Variants in TACC2 observed in about 807,000 individuals in gnomAD.
TACC2 encodes the protein transforming acidic coiled-coil containing protein 2, also known as transforming acidic coiled-coil-containing protein 2.
In TACC2, 137 loss-of-function variants were observed where a neutral mutation model predicts 227.3. That is an observed-to-expected ratio of 0.60 (90% CI 0.52 to 0.69). The LOEUF is 0.69. TACC2 is among the 30% of genes least tolerant of loss of function. The pLI is 0.00. For missense variants in TACC2, 3,470 were observed against 3,694.4 expected (o/e 0.94, Z 1.57); for synonymous variants, 1,523 against 1,487.5 (o/e 1.02, Z -0.55).
intron 7 of TACC2, among the ~76,000 whole-genome samples, chr10:122,187,764 T>C (rs2094258653): frequency 6.6e-6 from 1 of 152,106 alleles, no homozygotes; most frequent in Non-Finnish European, 1.5e-5. Flanking sequence ...AGTGCTGGGA[T>C]TATAGGTGTG....
intron 3 of TACC2, among the ~76,000 whole-genome samples, chr10:122,077,561 G>A (rs1043499563): frequency 3.9e-5 from 6 of 152,186 alleles, no homozygotes; most frequent in African/African-American, 1.2e-4. Flanking sequence ...AGGCAGGAGA[G>A]GGAGGTTGGG....
At chr10:122,223,055 T>C (rs1356800124) in intron 11 of TACC2, among the ~76,000 whole-genome samples, 20 of 66,910 alleles carry the variant, frequency 3.0e-4, no homozygotes, top group South Asian at 6.9e-4. Flanking sequence ...CTCTCTCTCT[T>C]TTTTTTTTTT....
At chr10:122,013,117 A>T (rs1956153098) in intron 1 of TACC2, among the ~76,000 whole-genome samples, 1 of 152,148 alleles carries the variant, frequency 6.6e-6, no homozygotes, top group Non-Finnish European at 1.5e-5. Flanking sequence ...TGGATATGTC[A>T]GTCCTGTGTC....
intron 11 of TACC2, among the ~76,000 whole-genome samples, chr10:122,218,282 TGAA>T (rs2095451580): frequency 6.6e-6 from 1 of 152,224 alleles, no homozygotes; most frequent in Non-Finnish European, 1.5e-5. Context: ...GAAATCACTG[TGAA>T]GAAGATCACA....
intron 7 of TACC2, among the ~76,000 whole-genome samples, chr10:122,193,250 G>T (rs79992692): frequency 4.6e-5 from 7 of 152,174 alleles, no homozygotes; most frequent in African/African-American, 9.6e-5. Flanking sequence ...AGGTCCTTGG[G>T]GGGTGGAGGG....
intron 7 of TACC2, among the ~76,000 whole-genome samples, chr10:122,147,151 C>CT (rs1304100049): frequency 2.4e-4 from 36 of 147,548 alleles, no homozygotes; most frequent in Non-Finnish European, 2.9e-4. Flanking sequence ...TGTAAAGTTA[C>CT]TTTTTTTTTT....
intron 7 of TACC2, among the ~76,000 whole-genome samples, chr10:122,147,980 C>T (rs1173985260): frequency 2.0e-5 from 3 of 152,148 alleles, no homozygotes; most frequent in African/African-American, 4.8e-5. Flanking sequence ...TCCAATCAAC[C>T]GTGTTTTTTC....
chr10:122,019,547 G>A (rs192846696), intron 1 of TACC2, among the ~76,000 whole-genome samples: 3 of 152,232 alleles, frequency 2.0e-5, no homozygotes, highest in African/African-American at 7.2e-5. Context: ...GGCAGGGGCC[G>A]CTTTAGTTTG....
Position 122,212,873 on chromosome 10 carries a change from G to A in TACC2, c.7283+1165G>A, listed in dbSNP as rs145913904. Among the ~76,000 whole-genome samples the A allele has an allele frequency of 2.1e-3, 323 of 152,306 alleles. 3 individuals carry two copies. The highest frequency in any genetic ancestry group is 7.6e-3 in the African/African-American group (315 of 41,548). On this transcript the variant is annotated intron_variant, in intron 9 of 22. Transcript: ENST00000369005. ...CTACTAGAGACTCTCTAGAATTCACGTTGGAAACTTGATTTCAAGCCTGGA... is the reference window on the plus strand; with the variant it reads ...CTACTAGAGACTCTCTAGAATTCACATTGGAAACTTGATTTCAAGCCTGGA...
chr10:122,085,769 A>G lies in TACC2; in HGVS notation c.3269A>G (p.Gln1090Arg). The G allele has an allele frequency of 1.2e-6, 2 of 1,613,858 alleles. No homozygotes were observed. Among genetic ancestry groups the G allele is most frequent in the Non-Finnish European group, 1.7e-6 (2 of 1,179,968 alleles). The change falls in exon 4 of 23, where the codon CAG (glutamine) becomes CGG (arginine). Residue 1090 changes from glutamine (Q) to arginine (R), a missense_variant. This residue lies in a region of TACC2 where 1,924 missense variants were observed against 1,978.3 expected (regional missense o/e 0.97). Coordinates refer to ENST00000369005, the MANE Select transcript of TACC2 (RefSeq NM_206862.4). ...TGTGATGAAACCCAGGAAGGCAGGCAGCAACCAGTGCCGGCCCCGCAGCAG... is the reference window on the plus strand; with the variant it reads ...TGTGATGAAACCCAGGAAGGCAGGCGGCAACCAGTGCCGGCCCCGCAGCAG... ...EACDETQEGR[Q>R]QPVPAPQQKM... is the part of the protein sequence containing the mutation.
In TACC2 at chr10:122,254,325, G is replaced by A; in HGVS notation, c.*269G>A. On this transcript the variant is annotated 3_prime_UTR_variant, in exon 23 of 23. Coordinates refer to ENST00000369005, the MANE Select transcript of TACC2 (RefSeq NM_206862.4). ...GAGATTGTCTGATTCTCTAATAAAA[G>A]ACACATTGCTGACCTTGGCCTTGCC... 1 of 481,328 alleles carries A rather than the reference G, an allele frequency of 2.1e-6. No individual in the cohort carries two copies. The allele number at this position is 481,328 out of a possible 1,614,324, so 29.8% of individuals were successfully genotyped here. A position where few individuals can be genotyped will look rare whatever the true frequency, so the allele number is the denominator to read the frequency against.
intron 15 of TACC2, 146 bp downstream of exon 15, chr10:122,229,632 A>C (rs2095695945): frequency 1.1e-6 from 1 of 906,638 alleles, no homozygotes; most frequent in Admixed American, 2.3e-5. Context: ...AAAGGATGGT[A>C]TATGTGACGT....
At chr10:122,095,341 C>A (rs140925167) in intron 5 of TACC2, among the ~76,000 whole-genome samples, 8 of 152,206 alleles carry the variant, frequency 5.3e-5, no homozygotes, top group Non-Finnish European at 1.2e-4. Flanking sequence ...CATCGCCTTG[C>A]GGGGCATTTG....
intron 11 of TACC2, among the ~76,000 whole-genome samples, chr10:122,220,660 A>G (rs902240503): frequency 2.6e-5 from 4 of 152,254 alleles, no homozygotes; most frequent in Non-Finnish European, 4.4e-5. Context: ...GTCACCAACC[A>G]CAGGAAAAGG....
chr10:122,141,176 G>C lies in TACC2; in HGVS notation c.5700-2396G>C, dbSNP rs1242313930. The stretch of plus-strand genomic sequence containing the variant: ...CCTTGCTGGGAAAATTGGGGGAGGA[G>C]GAGGAGGGTCAGGAGGGAAGAGGAG... On this transcript the variant is annotated intron_variant, in intron 6 of 22. Coordinates refer to ENST00000369005, the MANE Select transcript of TACC2 (RefSeq NM_206862.4). This position sits in a 1 kb window ranked among gnomAD's most constrained non-coding sequence, Gnocchi z 4.3. 2.0e-5 allele frequency among the ~76,000 whole-genome samples: 3 copies of C among 152,132 alleles called. No individual in the cohort carries two copies. The highest frequency in any genetic ancestry group is 4.4e-5 in the Non-Finnish European group (3 of 68,024).
chr10:122,147,688 C>G (rs1432808258), intron 7 of TACC2, among the ~76,000 whole-genome samples: 2 of 152,188 alleles, frequency 1.3e-5, no homozygotes, highest in Non-Finnish European at 2.9e-5. Context: ...TAACCCAATA[C>G]TACGTTATTT....
At chr10:122,163,859 C>G in intron 7 of TACC2, 4 of 1,517,360 alleles carry the variant, frequency 2.6e-6, no homozygotes, top group Non-Finnish European at 2.7e-6. Flanking sequence ...CGGCTCCCGG[C>G]TGCAGGAATC....
intron 5 of TACC2, among the ~76,000 whole-genome samples, chr10:122,125,420 C>T (rs112433347): frequency 3.9e-5 from 6 of 152,046 alleles, no homozygotes; most frequent in African/African-American, 1.4e-4. Context: ...AGGCTGGTCT[C>T]GAACTCCTGG....
chr10:122,140,896 G>C (rs970542409), intron 6 of TACC2, among the ~76,000 whole-genome samples: 1 of 152,204 alleles, frequency 6.6e-6, no homozygotes, highest in African/African-American at 2.4e-5. Context: ...GAATGCCGTG[G>C]AAAGTCAGGG....
Sources: gnomAD v4.1 joint callset for allele counts (sites outside exome capture counted in the v4.1 genomes callset) on GRCh38, gnomAD v4.1.1 for gene constraint, gnomAD v4.1.1 regional missense constraint, Gnocchi (gnomAD v3.1) non-coding constraint, MANE v1.5 for transcripts, NCBI Gene and HGNC (gene_info 2026-07-23, HGNC 2026-07-21) for gene names.